Variants in RTL4 observed in about 807,000 individuals in gnomAD.
RTL4 encodes retrotransposon Gag like 4, also known as retrotransposon Gag-like protein 4.
A neutral mutation model predicts 5.3 loss-of-function variants in RTL4; 4 were observed. That is an observed-to-expected ratio of 0.75 (90% confidence interval 0.37 to 1.72). The LOEUF (loss-of-function observed/expected upper bound fraction) is 1.72. Ranked by LOEUF, RTL4 falls within the 40% of genes most tolerant of loss-of-function variation. RTL4 has a pLI of 0.04. For missense variants in RTL4, 260 were observed against 227.1 expected, an observed-to-expected ratio of 1.14 and a Z score of -0.93; for synonymous variants, 98 against 87.3, an observed-to-expected ratio of 1.12 and a Z score of -0.68.
At chrX:112,326,910 C>T in the RTL4 span, among the ~76,000 whole-genome samples, 1 of 111,381 alleles carries the variant, frequency 9.0e-6, no homozygotes, top group Non-Finnish European at 1.9e-5. Context: ...ACACCTCACA[C>T]GGCCAGGTAC....
At chrX:112,121,216 A>G in the RTL4 span, among the ~76,000 whole-genome samples, 2 of 111,950 alleles carry the variant, frequency 1.8e-5, no homozygotes, top group Non-Finnish European at 3.8e-5. Context: ...CTATACTTCA[A>G]TTTTAGTATT....
chrX:112,165,406 A>T, the RTL4 span, among the ~76,000 whole-genome samples: 1 of 111,779 alleles, frequency 8.9e-6, no homozygotes, highest in South Asian at 3.8e-4. Flanking sequence ...TTGATTACAG[A>T]TTGAGATGAA....
the RTL4 span, among the ~76,000 whole-genome samples, chrX:112,195,491 A>G: frequency 1.8e-5 from 2 of 111,528 alleles, no homozygotes; most frequent in African/African-American, 6.5e-5. Context: ...CTTGATTCCT[A>G]ATTGTGAATA....
At chrX:112,217,626 T>G in the RTL4 span, among the ~76,000 whole-genome samples, 3 of 111,907 alleles carry the variant, frequency 2.7e-5, no homozygotes, top group Non-Finnish European at 5.6e-5. Context: ...AATGTGATGA[T>G]GTACATAATA....
At chrX:112,264,339 C>T in the RTL4 span, among the ~76,000 whole-genome samples, 1 of 111,422 alleles carries the variant, frequency 9.0e-6, no homozygotes, top group Non-Finnish European at 1.9e-5. Flanking sequence ...TATTTGGAGC[C>T]TTCTCATTTT....
At chrX:112,319,612 C>T in the RTL4 span, among the ~76,000 whole-genome samples, 3 of 111,589 alleles carry the variant, frequency 2.7e-5, no homozygotes, top group Admixed American at 1.9e-4. Flanking sequence ...ACATTTCCAC[C>T]GCCCCTATAA....
chrX:112,386,094 C>T, the RTL4 span, among the ~76,000 whole-genome samples: 2 of 109,444 alleles, frequency 1.8e-5, no homozygotes, highest in African/African-American at 6.9e-5. Flanking sequence ...TTTAATTTTA[C>T]AATAGTTTTA....
the RTL4 span, among the ~76,000 whole-genome samples, chrX:112,211,609 AG>A: frequency 1.8e-5 from 2 of 112,193 alleles, no homozygotes; most frequent in African/African-American, 6.5e-5. Context: ...TGACTAAACC[AG>A]GGTGTTGGCG....
upstream of RTL4, among the ~76,000 whole-genome samples, chrX:112,452,824 G>A (rs1196382438): frequency 9.0e-6 from 1 of 111,190 alleles, no homozygotes; most frequent in Non-Finnish European, 1.9e-5. Flanking sequence ...CTGAGGTCAG[G>A]AGTTTGAGAC....
chrX:112,239,514 CT>C, the RTL4 span, among the ~76,000 whole-genome samples: 1 of 111,278 alleles, frequency 9.0e-6, no homozygotes, highest in Non-Finnish European at 1.9e-5. Flanking sequence ...CACAGAAAAG[CT>C]GAATTTCCAA....
At chrX:112,269,414 C>A in the RTL4 span, among the ~76,000 whole-genome samples, 1 of 111,316 alleles carries the variant, frequency 9.0e-6, no homozygotes, top group East Asian at 2.8e-4. Flanking sequence ...CTTGCTCTTA[C>A]AGCCCAAATA....
At chrX:112,366,929 C>A in the RTL4 span, among the ~76,000 whole-genome samples, 1 of 111,568 alleles carries the variant, frequency 9.0e-6, no homozygotes, top group Admixed American at 9.5e-5. Context: ...CTGACCTCAG[C>A]AAACAAGGCA....
chrX:112,218,486 G>T, the RTL4 span, among the ~76,000 whole-genome samples: 1 of 111,705 alleles, frequency 9.0e-6, no homozygotes, highest in Non-Finnish European at 1.9e-5. Flanking sequence ...TCCATTGTCT[G>T]CCCACTGGCA....
chrX:112,302,604 C>G, the RTL4 span, among the ~76,000 whole-genome samples: 3 of 111,980 alleles, frequency 2.7e-5, no homozygotes, highest in African/African-American at 9.7e-5. Context: ...CATCCCTCAC[C>G]CTGTAGGGCT....
the RTL4 span, among the ~76,000 whole-genome samples, chrX:112,315,376 A>T: frequency 1.2e-4 from 13 of 110,984 alleles, no homozygotes; most frequent in Non-Finnish European, 2.3e-4. Context: ...GCTCCAGGGG[A>T]AGAACTCATG....
the RTL4 span, among the ~76,000 whole-genome samples, chrX:112,248,990 A>G: frequency 8.9e-6 from 1 of 112,403 alleles, no homozygotes; most frequent in Non-Finnish European, 1.9e-5. Context: ...GCCTCCTTTT[A>G]AAGTCCTGGG....
chrX:112,253,836 G>T, the RTL4 span, among the ~76,000 whole-genome samples: 8 of 111,841 alleles, frequency 7.2e-5, no homozygotes, highest in Non-Finnish European at 1.5e-4. Context: ...TATCTGATCA[G>T]GTTCCTCATC....
chrX:112,130,791 G>GTTT, the RTL4 span, among the ~76,000 whole-genome samples: 11 of 88,913 alleles, frequency 1.2e-4, no homozygotes, highest in East Asian at 3.3e-4. Context: ...ATGGGTGTGG[G>GTTT]TTTTTTTTTT....
the RTL4 span, among the ~76,000 whole-genome samples, chrX:112,448,534 A>G: frequency 9.0e-6 from 1 of 111,682 alleles, no homozygotes; most frequent in Non-Finnish European, 1.9e-5. Context: ...TATGGGTTTG[A>G]AAGGACCAGA....
Sources: allele counts gnomAD v4.1 joint callset (sites outside exome capture counted in the v4.1 genomes callset), GRCh38; gene constraint gnomAD v4.1.1; transcripts MANE v1.5; gene names NCBI Gene and HGNC (gene_info 2026-07-23, HGNC 2026-07-21).